Variants in FAN1 observed in about 807,000 individuals in gnomAD.
FAN1 encodes the protein fanconi-associated nuclease 1.
A neutral mutation model predicts 104.9 loss-of-function variants in FAN1; 91 were observed. The ratio of observed to expected loss-of-function variants is 0.87; its 90% CI spans 0.73 to 1.03. The LOEUF (loss-of-function observed/expected upper bound fraction) is 1.03, where lower values mean the gene tolerates loss of function less well. FAN1 is among the 50% of genes least tolerant of loss of function. The pLI, the probability that FAN1 is intolerant of heterozygous loss-of-function variation, is 0.00. For synonymous variants in FAN1, 478 were observed against 457.6 expected (o/e 1.04, Z -0.57); for missense variants, 1,263 against 1,239.9 (o/e 1.02, Z -0.28).
chr15:30,933,485 A>T (rs1326564570), intron 13 of FAN1, among the ~76,000 whole-genome samples: 2 of 152,214 alleles, frequency 1.3e-5, no homozygotes, highest in Non-Finnish European at 2.9e-5. Flanking sequence ...TTCAGAGGAC[A>T]TATTTTGTAT....
intron 4 of FAN1, among the ~76,000 whole-genome samples, chr15:30,913,011 T>C (rs1483811748): frequency 6.6e-6 from 1 of 152,176 alleles, no homozygotes; most frequent in Non-Finnish European, 1.5e-5. Context: ...TATCCTAGAA[T>C]AGAGATGCTG....
chr15:30,910,804 G>A lies in FAN1; in HGVS notation c.1566G>A (p.Val522=). 6.2e-7 allele frequency: 1 copy of A among 1,613,242 alleles called. No homozygotes were observed. Among genetic ancestry groups the A allele is most frequent in the East Asian group, 2.2e-5 (1 of 44,834 alleles). Residue 522 remains valine (V), a synonymous_variant, in exon 4 of 15, where the codon GTG becomes GTA. Transcript: ENST00000362065. ...WGKNKPGIGA[V]ILKRAKALAG... ...AGAATAAGCCTGGAATTGGTGCAGT[G>A]ATTTTAAAAAGGTTTTGTTGGCTAT...
chr15:30,922,975 T>C (rs905123574), intron 8 of FAN1, among the ~76,000 whole-genome samples: 1 of 152,246 alleles, frequency 6.6e-6, no homozygotes, highest in Non-Finnish European at 1.5e-5. Context: ...GCCTGTGGGC[T>C]AGGCAGCAAC....
intron 13 of FAN1, among the ~76,000 whole-genome samples, chr15:30,935,478 ACAAAT>A (rs1235744369): frequency 7.2e-5 from 11 of 151,864 alleles, no homozygotes; most frequent in Non-Finnish European, 1.2e-4. Flanking sequence ...ACAACAATAA[ACAAAT>A]CAAATAAAAA....
intron 8 of FAN1, among the ~76,000 whole-genome samples, chr15:30,922,647 G>A (rs2062362424): frequency 6.6e-6 from 1 of 152,204 alleles, no homozygotes; most frequent in East Asian, 1.9e-4. Context: ...GGGAAAGGGA[G>A]AGTCAGATGA....
intron 12 of FAN1, among the ~76,000 whole-genome samples, chr15:30,930,232 A>G (rs970338814): frequency 1.3e-5 from 2 of 151,486 alleles, no homozygotes; most frequent in Admixed American, 6.6e-5. Context: ...GCTGCCCTCT[A>G]TGAGGCCATG....
chr15:30,910,980 G>T, intron 4 of FAN1, 165 bp downstream of exon 4: 1 of 1,318,606 alleles, frequency 7.6e-7, no homozygotes, highest in East Asian at 2.8e-5. Flanking sequence ...TCTTTCTTGG[G>T]TTATTATTCA....
chr15:30,905,326 A>G lies in FAN1; in HGVS notation c.663A>G (p.Leu221=). 1 of 1,613,924 alleles carries G rather than the reference A, an allele frequency of 6.2e-7. No homozygotes were observed. The highest frequency in any genetic ancestry group is 8.5e-7 in the Non-Finnish European group (1 of 1,179,890). The change falls in exon 2 of 15, where the codon CTA becomes CTG. Residue 221 remains leucine (L), a synonymous_variant. Transcript: ENST00000362065. The part of the protein sequence containing the change: ...QKENVFKCDS[L]KEECIPEHMV... ...AAAACGTGTTTAAATGTGATTCTCT[A>G]AAGGAAGAGTGCATTCCTGAACATA...
intron 2 of FAN1, chr15:30,906,552 G>A (rs1210917382): frequency 1.3e-5 from 6 of 456,024 alleles, no homozygotes; most frequent in African/African-American, 8.0e-5. Flanking sequence ...TATTCAGAGG[G>A]CCATGATGAC....
intron 5 of FAN1, 136 bp downstream of exon 5, chr15:30,914,227 C>G: frequency 1.6e-6 from 1 of 643,026 alleles, no homozygotes; most frequent in Non-Finnish European, 2.7e-6. Flanking sequence ...TTTTGCCCCA[C>G]TTGTATACAT....
intron 11 of FAN1, 80 bp downstream of exon 11, chr15:30,928,736 A>G (rs2062536884): frequency 1.0e-5 from 16 of 1,597,890 alleles, no homozygotes; most frequent in Non-Finnish European, 1.3e-5. Context: ...CCGTGTGTCC[A>G]CAGCCAGCAG....
chr15:30,916,591 G>T (rs1048118542), intron 5 of FAN1, among the ~76,000 whole-genome samples: 1 of 152,172 alleles, frequency 6.6e-6, no homozygotes, highest in African/African-American at 2.4e-5. Context: ...CTTCTGGAAA[G>T]GTAATAGTAT....
Position 30,922,243 on chromosome 15 carries a change from C to T in FAN1, c.2061C>T (p.Val687=). The change falls in exon 8 of 15, where the codon GTC becomes GTT. Residue 687 remains valine, a synonymous_variant. Transcript: ENST00000362065. The part of the protein sequence containing the change: ...LQRLHMYEEA[V]RELESLLSQR... ...TGTTATTGTTGCAATAGGAAGCCGTCAGAGAACTTGAAAGCCTTTTGTCTC... is the reference window on the plus strand; with the variant it reads ...TGTTATTGTTGCAATAGGAAGCCGTTAGAGAACTTGAAAGCCTTTTGTCTC... 6.2e-7 allele frequency: 1 copy of T among 1,606,592 alleles called. No individual in the cohort carries two copies.
rs759425884 is a variant in FAN1 at position 30,918,207 on chromosome 15, A to T, written c.1855A>T (p.Met619Leu). Residue 619 changes from methionine to leucine, a missense_variant, in exon 6 of 15, where the codon ATG (methionine) becomes TTG (leucine). Physicochemically the swap from Met to Leu is conservative, Grantham distance 15. Transcript: ENST00000362065. ...THMLSDISSA[M>L]ANGNWEEAKE... ...CATGCTGAGTGACATTTCTTCCGCAATGGCCAATGGGAACTGGGAAGAAGC... is the reference window on the plus strand; with the variant it reads ...CATGCTGAGTGACATTTCTTCCGCATTGGCCAATGGGAACTGGGAAGAAGC... The T allele has an allele frequency of 1.1e-5, 17 of 1,613,392 alleles. No individual in the cohort carries two copies. In the South Asian group the frequency reaches 1.9e-4, roughly 18 times the overall value.
chr15:30,917,135 A>T (rs2062213779), intron 5 of FAN1, among the ~76,000 whole-genome samples: 1 of 152,046 alleles, frequency 6.6e-6, no homozygotes, highest in African/African-American at 2.4e-5. Context: ...TAAAGACAAG[A>T]CTTGATTCTG....
At chr15:30,908,389 T>G in intron 3 of FAN1, 131 bp downstream of exon 3, 1 of 687,644 alleles carries the variant, frequency 1.5e-6, no homozygotes, top group Non-Finnish European at 2.3e-6. Flanking sequence ...TTTAATTGAA[T>G]TTTTAATCTT....
Position 30,928,807 on chromosome 15 carries a change from A to G in FAN1, c.2592+151A>G, listed in dbSNP as rs993182217. The G allele has an allele frequency of 6.9e-6, 10 of 1,457,244 alleles. No homozygotes were observed. In the African/African-American group the frequency reaches 1.3e-4, roughly 19 times the overall value. 90.3% of individuals were successfully genotyped at this position (1,457,244 alleles called of 1,614,324 possible). A position where few individuals can be genotyped will look rare whatever the true frequency, so the allele number is the denominator to read the frequency against. On this transcript the variant is annotated intron_variant, in intron 11 of 14. Transcript: ENST00000362065. Reference sequence around the variant, plus strand: ...AGGTCAAGATGATAACTTATTTTAAAAATCTGAGTAATAGAATTTAAGATG... The same window carrying G: ...AGGTCAAGATGATAACTTATTTTAAGAATCTGAGTAATAGAATTTAAGATG...
Position 30,922,269 on chromosome 15 carries a change from A to G in FAN1, c.2087A>G (p.Gln696Arg), listed in dbSNP as rs1240550113. The change falls in exon 8 of 15, where the codon CAG becomes CGG. Residue 696 changes from glutamine (Q) to arginine (R), a missense_variant. This residue lies in a region of FAN1 where 581 missense variants were observed against 668.8 expected (regional missense o/e 0.87). Coordinates refer to ENST00000362065, the MANE Select transcript of FAN1 (RefSeq NM_014967.5). ...AGAGAACTTGAAAGCCTTTTGTCTC[A>G]GAGAATTTATTGTCCTGACAGCAGA... is the stretch of plus-strand genomic sequence containing the variant. ...AVRELESLLS[Q>R]RIYCPDSRGR... is the part of the protein sequence containing the mutation. 1 of 1,613,478 alleles carries G rather than the reference A, an allele frequency of 6.2e-7. No homozygotes were observed. The highest frequency in any genetic ancestry group is 1.7e-5 in the Admixed American group (1 of 59,824).
chr15:30,928,111 C>A, intron 10 of FAN1: 1 of 1,000,112 alleles, frequency 1.0e-6, no homozygotes, highest in Non-Finnish European at 1.2e-6. Context: ...TCCGGGAGGT[C>A]CCCTTAGGGA....
Sources: gnomAD v4.1 joint callset for allele counts (sites outside exome capture counted in the v4.1 genomes callset) on GRCh38, gnomAD v4.1.1 for gene constraint, gnomAD v4.1.1 regional missense constraint, MANE v1.5 for transcripts, NCBI Gene and HGNC (gene_info 2026-07-23, HGNC 2026-07-21) for gene names.